The following KCNIP4 variants were observed in gnomAD, a reference collection of about 807,000 sequenced individuals.
KCNIP4 encodes the protein Kv channel-interacting protein 4.
KCNIP4 carries 12 observed loss-of-function variants against 34.0 expected under a neutral mutation model. That is an observed-to-expected ratio of 0.35 (90% CI 0.23 to 0.57). KCNIP4 has a LOEUF of 0.57. KCNIP4 is among the 20% of genes least tolerant of loss of function. The pLI, the probability that KCNIP4 is intolerant of heterozygous loss-of-function variation, is 0.83. For missense variants in KCNIP4, 238 were observed against 311.7 expected, an observed-to-expected ratio of 0.76 and a Z score of 1.78; for synonymous variants, 124 against 102.2, an observed-to-expected ratio of 1.21 and a Z score of -1.29.
At chr4:21,500,767 TG>T (rs1733257830) in intron 1 of KCNIP4, among the ~76,000 whole-genome samples, 1 of 152,164 alleles carries the variant, frequency 6.6e-6, no homozygotes, top group Non-Finnish European at 1.5e-5. Flanking sequence ...AAATATCACT[TG>T]GGAGCTTGTC....
chr4:21,629,849 C>CTTT (rs5856652), intron 1 of KCNIP4, among the ~76,000 whole-genome samples: 6,562 of 87,456 alleles, frequency 0.075, 579 homozygotes, highest in Non-Finnish European at 0.096. Context: ...CTTTTTCTTT[C>CTTT]TTTTTTTTTT....
intron 1 of KCNIP4, among the ~76,000 whole-genome samples, chr4:21,175,398 A>G (rs1377314580): frequency 1.3e-5 from 2 of 152,170 alleles, no homozygotes; most frequent in African/African-American, 4.8e-5. Context: ...GAAACCACAG[A>G]TAGTTCTGAC....
At chr4:21,301,681 A>G (rs1055981365) in intron 1 of KCNIP4, among the ~76,000 whole-genome samples, 23 of 152,328 alleles carry the variant, frequency 1.5e-4, no homozygotes, top group African/African-American at 5.5e-4. Flanking sequence ...TAGCTTGATA[A>G]TAAACATTGC....
intron 1 of KCNIP4, among the ~76,000 whole-genome samples, chr4:21,444,490 T>C (rs1217802509): frequency 6.6e-6 from 1 of 152,178 alleles, no homozygotes; most frequent in Non-Finnish European, 1.5e-5. Context: ...TCAGTAAACA[T>C]AATCCAGCAT....
At chr4:21,157,010 G>A (rs1008935650) in intron 1 of KCNIP4, among the ~76,000 whole-genome samples, 12 of 152,100 alleles carry the variant, frequency 7.9e-5, no homozygotes, top group African/African-American at 2.7e-4. Context: ...CAATAATATG[G>A]CTTAGGGGAA....
At chr4:21,317,074 C>T (rs1344526188) in intron 1 of KCNIP4, among the ~76,000 whole-genome samples, 1 of 151,992 alleles carries the variant, frequency 6.6e-6, no homozygotes, top group African/African-American at 2.4e-5. Flanking sequence ...TCTTAGGTGG[C>T]CATTCAGGAG....
chr4:21,261,598 G>A (rs1442483543), intron 1 of KCNIP4, among the ~76,000 whole-genome samples: 1 of 152,042 alleles, frequency 6.6e-6, no homozygotes, highest in Non-Finnish European at 1.5e-5. Context: ...ACTAATTTTT[G>A]TTTCATCCAG....
chr4:20,897,776 T>A (rs1485388109), intron 1 of KCNIP4, among the ~76,000 whole-genome samples: 1 of 152,162 alleles, frequency 6.6e-6, no homozygotes, highest in Non-Finnish European at 1.5e-5. Flanking sequence ...TGCTGGCAGT[T>A]CTGTCAGGAG....
rs550877401 is a variant in KCNIP4, at chr4:21,053,916, G to A, written c.62-171207C>T. The stretch of plus-strand genomic sequence containing the variant: ...CTTATGGATAGGAATACTCAATATT[G>A]TCAAGATGTAAGTTCTTCCCAATTT... On this transcript the variant is annotated intron_variant, in intron 1 of 8. Transcript: ENST00000382152. Among the ~76,000 whole-genome samples, 7 of 152,168 alleles carry A rather than the reference G, an allele frequency of 4.6e-5. No homozygotes were observed. The South Asian group carries it at 1.4e-3, about 31-fold the overall frequency.
chr4:21,453,656 C>A lies in KCNIP4; in HGVS notation c.61+494915G>T, dbSNP rs556569253. On this transcript the variant is annotated intron_variant, in intron 1 of 8. Transcript: ENST00000382152. ...TATCCACATGACACATGTGAGGGCA[C>A]TGAGACCCCAAAGAATCCCCAGAAA... is the stretch of plus-strand genomic sequence containing the variant. Among the ~76,000 whole-genome samples the A allele has an allele frequency of 1.0e-3, 158 of 152,206 alleles. 2 individuals are homozygous for A. Among genetic ancestry groups the A allele is most frequent in the African/African-American group, 3.6e-3 (148 of 41,532 alleles).
At chr4:21,394,263 C>A (rs1379986156) in intron 1 of KCNIP4, among the ~76,000 whole-genome samples, 1 of 152,074 alleles carries the variant, frequency 6.6e-6, no homozygotes, top group Non-Finnish European at 1.5e-5. Flanking sequence ...ATTCAGTGCT[C>A]CTTCAGAGGC....
intron 1 of KCNIP4, among the ~76,000 whole-genome samples, chr4:21,834,935 G>A (rs1338252091): frequency 6.6e-6 from 1 of 152,056 alleles, no homozygotes; most frequent in African/African-American, 2.4e-5. Flanking sequence ...GCATCCCAGG[G>A]ATGAAGCCCA....
intron 1 of KCNIP4, among the ~76,000 whole-genome samples, chr4:21,574,562 A>G (rs990891088): frequency 2.0e-5 from 3 of 152,134 alleles, no homozygotes; most frequent in Non-Finnish European, 4.4e-5. Context: ...TGATAAATAA[A>G]ATAAAATTCT....
chr4:21,356,243 T>C (rs550368595), intron 1 of KCNIP4, among the ~76,000 whole-genome samples: 30 of 152,224 alleles, frequency 2.0e-4, no homozygotes, highest in South Asian at 1.0e-3. Flanking sequence ...TGGAAGCATT[T>C]CCTTTGAAAA....
intron 1 of KCNIP4, among the ~76,000 whole-genome samples, chr4:21,728,238 C>T (rs1468930804): frequency 6.6e-6 from 1 of 152,164 alleles, no homozygotes; most frequent in Admixed American, 6.5e-5. Flanking sequence ...AACTCCAAAT[C>T]TCCTTTCCTC....
intron 3 of KCNIP4, among the ~76,000 whole-genome samples, chr4:20,824,663 A>T (rs1001190403): frequency 6.6e-6 from 1 of 152,124 alleles, no homozygotes; most frequent in Non-Finnish European, 1.5e-5. Flanking sequence ...CTAGCAACAG[A>T]GCGAGACTCC....
chr4:21,128,268 A>G (rs1750779271), intron 1 of KCNIP4, among the ~76,000 whole-genome samples: 1 of 152,260 alleles, frequency 6.6e-6, no homozygotes, highest in South Asian at 2.1e-4. Flanking sequence ...CATGGAATTA[A>G]GAGAGCAGAA....
At position 21,004,369 on chromosome 4, in the gene KCNIP4, G is replaced by T. The variant is rs149973615; in HGVS notation, c.62-121660C>A. Reference sequence around the variant, plus strand: ...TTTCTAACTTGGACAACTGATGAATGGTGATGACATAGGGAGACCAAAGAG... The same window carrying T: ...TTTCTAACTTGGACAACTGATGAATTGTGATGACATAGGGAGACCAAAGAG... On this transcript the variant is annotated intron_variant, in intron 1 of 8. Transcript: ENST00000382152. Among the ~76,000 whole-genome samples the T allele has an allele frequency of 1.0e-3, 157 of 152,304 alleles. 1 individual carries two copies. Among genetic ancestry groups the T allele is most frequent in the African/African-American group, 3.7e-3 (155 of 41,558 alleles).
chr4:20,864,213 TG>T (rs940587854), intron 2 of KCNIP4, among the ~76,000 whole-genome samples: 1 of 149,296 alleles, frequency 6.7e-6, no homozygotes, highest in African/African-American at 2.5e-5. Flanking sequence ...CACACATGCA[TG>T]TATATATGCA....
Sources: allele counts gnomAD v4.1 joint callset (sites outside exome capture counted in the v4.1 genomes callset), GRCh38; gene constraint gnomAD v4.1.1; transcripts MANE v1.5; gene names NCBI Gene and HGNC (gene_info 2026-07-23, HGNC 2026-07-21).